Variants in CNTNAP2 observed in about 807,000 individuals in gnomAD.
The protein encoded by CNTNAP2 is contactin-associated protein-like 2.
Under a neutral mutation model 155.2 loss-of-function variants are expected in CNTNAP2, and 98 were observed. That is an observed-to-expected ratio of 0.63 (90% CI 0.54 to 0.75). CNTNAP2 has a LOEUF of 0.75. Among genes scored for constraint, CNTNAP2 ranks in the 30% least tolerant of loss-of-function variants. The probability of loss-of-function intolerance (pLI) is 0.00; values close to 1 mark genes in which losing one functional copy is unlikely to be tolerated. For synonymous variants in CNTNAP2, 651 were observed against 631.2 expected (o/e 1.03, Z -0.47); for missense variants, 1,727 against 1,688.1 (o/e 1.02, Z -0.40).
chr7:147,766,465 C>A lies in CNTNAP2; in HGVS notation c.2098+127159C>A, dbSNP rs927016724. On this transcript the variant is annotated intron_variant, in intron 13 of 23. Transcript: ENST00000361727. ...AAGTAGAAGAAAGGTTATATGTTAA[C>A]AAGATGTGTCCAGGTTGATCAGTAT... is the stretch of plus-strand genomic sequence containing the variant. 3.9e-5 allele frequency among the ~76,000 whole-genome samples: 6 copies of A among 152,004 alleles called. No individual in the cohort carries two copies. In the South Asian group the frequency reaches 1.0e-3, roughly 26 times the overall value.
At chr7:147,352,279 G>A (rs17497557) in intron 9 of CNTNAP2, among the ~76,000 whole-genome samples, 42,544 of 151,796 alleles carry the variant, frequency 0.28, 6,247 homozygotes, top group African/African-American at 0.34. Flanking sequence ...GAAATAATTT[G>A]TAACACTGTG....
At chr7:148,117,109 G>A (rs536120805) in intron 15 of CNTNAP2, among the ~76,000 whole-genome samples, 7 of 152,250 alleles carry the variant, frequency 4.6e-5, no homozygotes, top group Middle Eastern at 3.4e-3. Flanking sequence ...TCTGAGTAAC[G>A]CAGTTTGGTG....
At chr7:146,763,127 C>T (rs1802132892) in intron 1 of CNTNAP2, among the ~76,000 whole-genome samples, 1 of 152,214 alleles carries the variant, frequency 6.6e-6, no homozygotes, top group African/African-American at 2.4e-5. Flanking sequence ...CAGTCTTCTG[C>T]AGTCTCTCTG....
At position 146,423,508 on chromosome 7, in the gene CNTNAP2, C is replaced by G. The variant is rs118059702; in HGVS notation, c.97+306535C>G. ...GGTTAGAGAGATGAATGATTGATTC[C>G]TACTCTTCCATCTTGAGTACCTCAT... On this transcript the variant is annotated intron_variant, in intron 1 of 23. Coordinates refer to ENST00000361727, the MANE Select transcript of CNTNAP2 (RefSeq NM_014141.6). Among the ~76,000 whole-genome samples, 1,075 of 152,226 alleles carry G rather than the reference C, an allele frequency of 7.1e-3. 5 individuals carry two copies. Among genetic ancestry groups the G allele is most frequent in the South Asian group, 0.015 (70 of 4,822 alleles).
intron 12 of CNTNAP2, among the ~76,000 whole-genome samples, chr7:147,564,299 A>G (rs1800124878): frequency 6.6e-6 from 1 of 152,142 alleles, no homozygotes; most frequent in Non-Finnish European, 1.5e-5. Flanking sequence ...AAAGAACTTT[A>G]GGCATGTCTC....
intron 1 of CNTNAP2, among the ~76,000 whole-genome samples, chr7:146,649,174 A>G (rs1280270802): frequency 6.6e-6 from 1 of 152,112 alleles, no homozygotes; most frequent in Non-Finnish European, 1.5e-5. Context: ...GGATTTATAT[A>G]CAACTTAATA....
intron 1 of CNTNAP2, among the ~76,000 whole-genome samples, chr7:146,363,136 C>A (rs1248053681): frequency 6.6e-6 from 1 of 152,040 alleles, no homozygotes; most frequent in Non-Finnish European, 1.5e-5. Flanking sequence ...TTATAATAGG[C>A]CAGGCATTTT....
chr7:148,297,172 G>GGAAGGAAGGAAGGAAA (rs1378328932), intron 21 of CNTNAP2, among the ~76,000 whole-genome samples: 1 of 143,752 alleles, frequency 7.0e-6, no homozygotes, highest in Non-Finnish European at 1.5e-5. Context: ...AGAAAAGGAA[G>GGAAGGAAGGAAGGAAA]GAAGGAAGGA....
At chr7:146,809,525 CT>C (rs1803027595) in intron 2 of CNTNAP2, among the ~76,000 whole-genome samples, 1 of 151,842 alleles carries the variant, frequency 6.6e-6, no homozygotes. Context: ...CCACATCTGG[CT>C]GATTTTTTTG....
intron 15 of CNTNAP2, among the ~76,000 whole-genome samples, chr7:147,988,401 A>G (rs1257797894): frequency 6.6e-6 from 1 of 152,188 alleles, no homozygotes; most frequent in African/African-American, 2.4e-5. Context: ...TTGGAGGCCC[A>G]TTTCAAAATA....
chr7:148,222,698 T>C (rs774624213), intron 19 of CNTNAP2, among the ~76,000 whole-genome samples: 2 of 152,176 alleles, frequency 1.3e-5, no homozygotes, highest in Non-Finnish European at 2.9e-5. Flanking sequence ...ATTCACACCA[T>C]AGCATAGGGA....
intron 1 of CNTNAP2, among the ~76,000 whole-genome samples, chr7:146,726,470 A>G (rs73740827): frequency 6.6e-6 from 1 of 152,132 alleles, no homozygotes; most frequent in Non-Finnish European, 1.5e-5. Context: ...TTAAAGTGCC[A>G]TTCAATTTTC....
intron 9 of CNTNAP2, among the ~76,000 whole-genome samples, chr7:147,391,928 C>A (rs1316700256): frequency 6.6e-6 from 1 of 152,052 alleles, no homozygotes; most frequent in Non-Finnish European, 1.5e-5. Context: ...TAATGCCTGG[C>A]TTCTTCATTT....
chr7:146,367,413 A>G (rs1795171277), intron 1 of CNTNAP2, among the ~76,000 whole-genome samples: 1 of 152,172 alleles, frequency 6.6e-6, no homozygotes, highest in Admixed American at 6.5e-5. Context: ...TTATATATCA[A>G]AAACCAATTT....
chr7:146,499,460 A>C (rs1300246098), intron 1 of CNTNAP2, among the ~76,000 whole-genome samples: 3 of 152,186 alleles, frequency 2.0e-5, no homozygotes, highest in Admixed American at 1.3e-4. Flanking sequence ...TTATTATTGT[A>C]ATTTGGTAGT....
chr7:146,810,187 T>C (rs141553291), intron 2 of CNTNAP2, among the ~76,000 whole-genome samples: 598 of 152,280 alleles, frequency 3.9e-3, no homozygotes, highest in Non-Finnish European at 6.8e-3. Flanking sequence ...TTCTGTGCTC[T>C]GTATTTTGTT....
At chr7:146,656,464 T>C (rs1799997402) in intron 1 of CNTNAP2, among the ~76,000 whole-genome samples, 1 of 152,200 alleles carries the variant, frequency 6.6e-6, no homozygotes, top group South Asian at 2.1e-4. Flanking sequence ...CCATGTCAAA[T>C]TCAGCAAACA....
intron 10 of CNTNAP2, among the ~76,000 whole-genome samples, chr7:147,410,625 T>C (rs960697191): frequency 6.6e-5 from 10 of 152,302 alleles, no homozygotes; most frequent in African/African-American, 2.4e-4. Flanking sequence ...TGCAGAGCTA[T>C]ACTCTCTAAT....
chr7:147,658,073 G>A (rs1447840219), intron 13 of CNTNAP2, among the ~76,000 whole-genome samples: 2 of 123,668 alleles, frequency 1.6e-5, no homozygotes, highest in African/African-American at 5.5e-5. Flanking sequence ...CGGCAAAAAT[G>A]GTGAAACCCC....
Sources: allele counts gnomAD v4.1 joint callset (sites outside exome capture counted in the v4.1 genomes callset), GRCh38; gene constraint gnomAD v4.1.1; transcripts MANE v1.5; gene names NCBI Gene and HGNC (gene_info 2026-07-23, HGNC 2026-07-21).